ADGRL3: variants seen among roughly 807,000 people sequenced by gnomAD.
The protein encoded by ADGRL3 is adhesion G protein-coupled receptor L3.
Under a neutral mutation model 153.5 loss-of-function variants are expected in ADGRL3, and 62 were observed. The observed-to-expected ratio is 0.40, with a 90% CI of 0.33 to 0.50. The LOEUF (loss-of-function observed/expected upper bound fraction) is 0.50. ADGRL3 is among the 20% of genes least tolerant of loss of function. The probability of loss-of-function intolerance (pLI) is 0.47; values close to 1 mark genes in which losing one functional copy is unlikely to be tolerated. For synonymous variants in ADGRL3, 710 were observed against 672.5 expected, an observed-to-expected ratio of 1.06 and a Z score of -0.86; for missense variants, 1,641 against 1,859.4, an observed-to-expected ratio of 0.88 and a Z score of 2.16.
chr4:62,042,937 C>G (rs1205915688), intron 24 of ADGRL3, among the ~76,000 whole-genome samples: 1 of 152,042 alleles, frequency 6.6e-6, no homozygotes. Flanking sequence ...CTTTCAATAG[C>G]ACATTTTAGT....
chr4:61,858,552 C>A (rs2098305270), intron 9 of ADGRL3, among the ~76,000 whole-genome samples: 2 of 152,146 alleles, frequency 1.3e-5, no homozygotes, highest in Admixed American at 1.3e-4. Context: ...ACCTGGGAGG[C>A]AGAGGTTTCA....
intron 11 of ADGRL3, among the ~76,000 whole-genome samples, chr4:61,899,193 G>A (rs1419128553): frequency 1.7e-5 from 2 of 118,984 alleles, no homozygotes; most frequent in Non-Finnish European, 3.7e-5. Context: ...GGACTTTCTT[G>A]CCTCACTATC....
chr4:61,560,519 C>T (rs1266926501), intron 4 of ADGRL3, among the ~76,000 whole-genome samples: 2 of 152,026 alleles, frequency 1.3e-5, no homozygotes, highest in East Asian at 1.9e-4. Context: ...AATGGTGGGA[C>T]AATCTGAGCA....
intron 5 of ADGRL3, among the ~76,000 whole-genome samples, chr4:61,637,871 TTGTC>T (rs2093494724): frequency 6.6e-6 from 1 of 152,052 alleles, no homozygotes; most frequent in Non-Finnish European, 1.5e-5. Context: ...AAAATACAGA[TTGTC>T]TGAGATGAAT....
chr4:61,523,202 A>G (rs895735126), intron 4 of ADGRL3, among the ~76,000 whole-genome samples: 2 of 152,070 alleles, frequency 1.3e-5, no homozygotes, highest in African/African-American at 4.8e-5. Context: ...TTTTGTTACT[A>G]CATTATAGTC....
chr4:61,967,974 AG>A (rs1389498950), intron 17 of ADGRL3, among the ~76,000 whole-genome samples: 1 of 152,198 alleles, frequency 6.6e-6, no homozygotes, highest in African/African-American at 2.4e-5. Flanking sequence ...CAAGAGAATA[AG>A]GGTGCTAAAG....
chr4:61,590,290 A>C (rs191741706), intron 5 of ADGRL3, among the ~76,000 whole-genome samples: 114 of 152,244 alleles, frequency 7.5e-4, no homozygotes, highest in African/African-American at 2.5e-3. Flanking sequence ...AAATATGCTA[A>C]TTTTGTTATG....
chr4:61,421,820 A>C lies in ADGRL3; in HGVS notation c.-174+38631A>C, dbSNP rs566000600. 2.0e-5 allele frequency among the ~76,000 whole-genome samples: 3 copies of C among 152,302 alleles called. No individual in the cohort carries two copies. The South Asian group carries it at 6.2e-4, about 32-fold the overall frequency. On this transcript the variant is annotated intron_variant, in intron 2 of 26. Transcript: ENST00000683033. ...GCCCATGAGTCAAAACACCTTGATC[A>C]TGAAGATTTTAGTATTTATTTTCAG...
intron 21 of ADGRL3, among the ~76,000 whole-genome samples, chr4:62,003,101 C>G (rs1202050226): frequency 6.6e-6 from 1 of 152,000 alleles, no homozygotes; most frequent in African/African-American, 2.4e-5. Flanking sequence ...AAATAATGGC[C>G]ATTTTAAGAC....
At chr4:61,432,650 C>CAGAA (rs2097383776) in intron 2 of ADGRL3, among the ~76,000 whole-genome samples, 1 of 38,872 alleles carries the variant, frequency 2.6e-5, no homozygotes, top group Non-Finnish European at 4.7e-5. Flanking sequence ...TTCTTTCTTT[C>CAGAA]TTTCTTTTTT....
chr4:61,733,528 A>G lies in ADGRL3; in HGVS notation c.1373A>G (p.Asp458Gly). ...NNYHVVKYSL[D>G]FGPLDSRSGQ... ...TATCACGTCGTGAAATATTCTTTGGATTTTGGACCTCTGGATAGTAGATCA... is the reference window on the plus strand; with the variant it reads ...TATCACGTCGTGAAATATTCTTTGGGTTTTGGACCTCTGGATAGTAGATCA... Residue 458 changes from aspartate (D) to glycine (G), a missense_variant, in exon 8 of 27, where the codon GAT (aspartate) becomes GGT (glycine). Physicochemically the swap from Asp to Gly is moderately conservative, Grantham distance 94. Around this residue, in one of 5 missense-constraint regions of ADGRL3, gnomAD observed 734 missense variants for 797.0 expected, o/e 0.92. Coordinates refer to ENST00000683033, the MANE Select transcript of ADGRL3 (RefSeq NM_001387552.1). 1 of 1,613,144 alleles carries G rather than the reference A, an allele frequency of 6.2e-7. No individual in the cohort carries two copies. Among genetic ancestry groups the G allele is most frequent in the Non-Finnish European group, 8.5e-7 (1 of 1,179,516 alleles).
chr4:61,665,092 T>C (rs1276164715), intron 5 of ADGRL3, among the ~76,000 whole-genome samples: 1 of 152,210 alleles, frequency 6.6e-6, no homozygotes, highest in Non-Finnish European at 1.5e-5. Flanking sequence ...CTGAATGATT[T>C]ATGTGTAGAA....
At chr4:61,915,759 T>G (rs892000583) in intron 13 of ADGRL3, among the ~76,000 whole-genome samples, 2 of 152,186 alleles carry the variant, frequency 1.3e-5, no homozygotes, top group Admixed American at 6.5e-5. Context: ...CCTTTAAACT[T>G]TAGTCTATTT....
At position 61,946,901 on chromosome 4, in the gene ADGRL3, G is replaced by T. The variant is rs552245364; in HGVS notation, c.2420-13G>T. Reference sequence around the variant, plus strand: ...AGAGTGGACAAACTAATCAGAGTTTGCATTTACTTTAGGAGAGATCAGAGT... The same window carrying T: ...AGAGTGGACAAACTAATCAGAGTTTTCATTTACTTTAGGAGAGATCAGAGT... On this transcript the variant is annotated splice_polypyrimidine_tract_variant and intron_variant, in intron 15 of 26. Coordinates refer to ENST00000683033, the MANE Select transcript of ADGRL3 (RefSeq NM_001387552.1). The T allele has an allele frequency of 8.1e-6, 13 of 1,600,800 alleles. No homozygotes were observed. The African/African-American group carries it at 1.5e-4, about 18-fold the overall frequency.
intron 4 of ADGRL3, among the ~76,000 whole-genome samples, chr4:61,517,985 T>TA (rs933836331): frequency 5.9e-5 from 9 of 152,162 alleles, no homozygotes; most frequent in Admixed American, 5.2e-4. Flanking sequence ...TAAAACTTGG[T>TA]AAAAAAGTTA....
At chr4:61,458,586 T>G (rs1289827284) in intron 2 of ADGRL3, among the ~76,000 whole-genome samples, 1 of 151,532 alleles carries the variant, frequency 6.6e-6, no homozygotes, top group Admixed American at 6.6e-5. Context: ...TAGGCAAATT[T>G]CTGAAATTTG....
At chr4:61,552,386 G>A (rs2098744254) in intron 4 of ADGRL3, among the ~76,000 whole-genome samples, 1 of 152,140 alleles carries the variant, frequency 6.6e-6, no homozygotes, top group Non-Finnish European at 1.5e-5. Context: ...CACTGGGTGA[G>A]TACCACAAAA....
rs573185648 is a variant in ADGRL3, at chr4:61,345,997, C to G, written c.-239-37127C>G. ...GAAGGGTTTTTATTCATTTGTCAAA[C>G]CTTTTCAAGGGCTTAGTACATTCGA... is the stretch of plus-strand genomic sequence containing the variant. On this transcript the variant is annotated intron_variant, in intron 1 of 26. Transcript: ENST00000683033. Among the ~76,000 whole-genome samples the G allele has an allele frequency of 3.3e-5, 5 of 152,264 alleles. No homozygotes were observed. The East Asian group carries it at 7.7e-4, about 24-fold the overall frequency.
chr4:61,463,192 G>C (rs1336456087), intron 2 of ADGRL3, among the ~76,000 whole-genome samples: 2 of 152,130 alleles, frequency 1.3e-5, no homozygotes, highest in East Asian at 3.9e-4. Flanking sequence ...TTCATCTGAA[G>C]TTCAAATTTC....
Sources: gnomAD v4.1 joint callset for allele counts (sites outside exome capture counted in the v4.1 genomes callset) on GRCh38, gnomAD v4.1.1 for gene constraint, gnomAD v4.1.1 regional missense constraint, MANE v1.5 for transcripts, NCBI Gene and HGNC (gene_info 2026-07-23, HGNC 2026-07-21) for gene names.